The following ZFHX4 variants were observed in gnomAD, a reference collection of about 807,000 sequenced individuals.
ZFHX4 encodes the protein zinc finger homeobox protein 4.
Under a neutral mutation model 267.6 loss-of-function variants are expected in ZFHX4, and 56 were observed. The observed-to-expected ratio is 0.21, with a 90% CI of 0.17 to 0.26. The LOEUF (loss-of-function observed/expected upper bound fraction) is 0.26, where lower values mean the gene tolerates loss of function less well. Ranked by LOEUF, ZFHX4 falls within the 10% of genes least tolerant of loss-of-function variation. ZFHX4 has a pLI of 1.00. For missense variants in ZFHX4, 4,332 were observed against 4,420.0 expected (o/e 0.98, Z 0.56); for synonymous variants, 1,778 against 1,665.6 (o/e 1.07, Z -1.64).
At chr8:76,712,386 C>A (rs1212120509) in intron 3 of ZFHX4, among the ~76,000 whole-genome samples, 1 of 151,932 alleles carries the variant, frequency 6.6e-6, no homozygotes, top group Non-Finnish European at 1.5e-5. Flanking sequence ...GTTCATCTAC[C>A]TTTTTGTGCC....
intron 3 of ZFHX4, among the ~76,000 whole-genome samples, chr8:76,745,969 G>A (rs528664298): frequency 4.6e-5 from 7 of 152,296 alleles, no homozygotes; most frequent in African/African-American, 1.4e-4. Flanking sequence ...GCCAAGTACA[G>A]CATTGCTAGT....
intron 1 of ZFHX4, among the ~76,000 whole-genome samples, chr8:76,695,324 T>C (rs1807929731): frequency 6.6e-6 from 1 of 152,212 alleles, no homozygotes; most frequent in South Asian, 2.1e-4. Context: ...TAAATACGCA[T>C]ATATGGCCTC....
At chr8:76,850,162 G>A (rs1191727156) in intron 8 of ZFHX4, 83 bp from the exon 9 acceptor site, 2 of 1,100,324 alleles carry the variant, frequency 1.8e-6, no homozygotes, top group Admixed American at 4.3e-5. Flanking sequence ...ATGTAAGTGG[G>A]ATATGCTACC....
intron 3 of ZFHX4, among the ~76,000 whole-genome samples, chr8:76,719,061 C>T (rs1269006138): frequency 1.3e-5 from 2 of 150,402 alleles, no homozygotes; most frequent in African/African-American, 4.9e-5. Flanking sequence ...AAAAAAAAGG[C>T]CAAATGCCAG....
rs1433564738 is a variant in ZFHX4, at chr8:76,851,845, G to A, written c.4924G>A (p.Val1642Ile). The A allele has an allele frequency of 1.2e-6, 2 of 1,613,832 alleles. No individual in the cohort carries two copies. The highest frequency in any genetic ancestry group is 2.7e-5 in the African/African-American group (2 of 74,930). ...VAGGHSIAAN[V>I]NSPGQGMLDS... ...TGGTGGGCACAGCATTGCAGCAAAT[G>A]TCAACAGCCCTGGCCAGGGGATGTT... The change falls in exon 10 of 11, where the codon GTC becomes ATC. Residue 1642 changes from valine to isoleucine, a missense_variant. Coordinates refer to ENST00000651372, the MANE Select transcript of ZFHX4 (RefSeq NM_024721.5).
intron 3 of ZFHX4, among the ~76,000 whole-genome samples, chr8:76,719,101 A>G (rs1429879172): frequency 6.6e-6 from 1 of 151,462 alleles, no homozygotes; most frequent in East Asian, 1.9e-4. Flanking sequence ...ATATATATCC[A>G]AGAAGACCTA....
chr8:76,842,090 G>A (rs1825367), intron 5 of ZFHX4, among the ~76,000 whole-genome samples: 76,787 of 151,790 alleles, frequency 0.51, 21,353 homozygotes, highest in African/African-American at 0.75. Context: ...GTTATATCCT[G>A]CACCCAGTAT....
intron 4 of ZFHX4, among the ~76,000 whole-genome samples, chr8:76,802,962 A>G (rs1270382151): frequency 1.3e-5 from 2 of 152,176 alleles, no homozygotes; most frequent in African/African-American, 4.8e-5. Flanking sequence ...AATGGTACTT[A>G]TTTAGACTTG....
chr8:76,855,616 A>T lies in ZFHX4; in HGVS notation c.8695A>T (p.Ser2899Cys), dbSNP rs1281162753. The change falls in exon 10 of 11, where the codon AGC becomes TGC. Residue 2899 changes from serine (S) to cysteine (C), a missense_variant. Ser to Cys is a moderately radical substitution (Grantham distance 112, BLOSUM62 -1). This residue lies in a region of ZFHX4 where 1,648 missense variants were observed against 1,625.0 expected (regional missense o/e 1.01). Coordinates refer to ENST00000651372, the MANE Select transcript of ZFHX4 (RefSeq NM_024721.5). ...TGACCCGGATGACAACGCCGACCGCAGCGAAACGTCCAGCATAGCGGACCC... is the reference window on the plus strand; with the variant it reads ...TGACCCGGATGACAACGCCGACCGCTGCGAAACGTCCAGCATAGCGGACCC... Reference protein sequence around the residue: ...TDDPDDNADRSETSSIADPSS... With the variant: ...TDDPDDNADRCETSSIADPSS... The T allele has an allele frequency of 6.2e-7, 1 of 1,613,834 alleles. No homozygotes were observed. Among genetic ancestry groups the T allele is most frequent in the East Asian group, 2.2e-5 (1 of 44,834 alleles).
rs979842713 is a variant in ZFHX4 at position 76,705,191 on chromosome 8, A to G, written c.1103A>G (p.His368Arg). Residue 368 changes from histidine to arginine, a missense_variant, in exon 2 of 11, where the codon CAT becomes CGT. Around this residue, in one of 7 missense-constraint regions of ZFHX4, gnomAD observed 1,195 missense variants for 1,173.6 expected, o/e 1.02. Transcript: ENST00000651372. ...PTFRGLWSAFHVENGDSLPAG... is the reference protein window; with the variant it reads ...PTFRGLWSAFRVENGDSLPAG... ...TTCCGCGGTTTATGGAGCGCTTTTC[A>G]TGTTGAAAATGGTGACTCTTTGCCG... is the stretch of plus-strand genomic sequence containing the variant. 6.8e-6 allele frequency: 11 copies of G among 1,613,958 alleles called. No individual in the cohort carries two copies. The highest frequency in any genetic ancestry group is 9.3e-6 in the Non-Finnish European group (11 of 1,179,902).
intron 3 of ZFHX4, among the ~76,000 whole-genome samples, chr8:76,766,853 A>G (rs1810063747): frequency 7.6e-6 from 1 of 132,026 alleles, no homozygotes. Context: ...TTATCTCAAG[A>G]AAATGGAACC....
chr8:76,773,527 AAC>A (rs1187471388), intron 3 of ZFHX4, among the ~76,000 whole-genome samples: 1 of 152,128 alleles, frequency 6.6e-6, no homozygotes, highest in African/African-American at 2.4e-5. Flanking sequence ...GGAAGTGAAA[AAC>A]AGAGTCCCCA....
rs73690864 is a variant in ZFHX4 at position 76,688,074 on chromosome 8, A to G, written c.-47+6454A>G. On this transcript the variant is annotated intron_variant, in intron 1 of 10. Transcript: ENST00000651372. ...TCATTGGGACGTAATGTGTATGACA[A>G]TAGTGCAGCTAGAAGATGATCAACA... Among the ~76,000 whole-genome samples, 566 of 152,288 alleles carry G rather than the reference A, an allele frequency of 3.7e-3. 1 individual carries two copies. The highest frequency in any genetic ancestry group is 0.013 in the African/African-American group (543 of 41,582).
At chr8:76,717,556 A>G (rs1017785023) in intron 3 of ZFHX4, among the ~76,000 whole-genome samples, 7 of 152,206 alleles carry the variant, frequency 4.6e-5, no homozygotes, top group Admixed American at 1.3e-4. Context: ...AACTCGCAAT[A>G]ACTATGGTTG....
chr8:76,760,483 A>G (rs1585917359), intron 3 of ZFHX4, among the ~76,000 whole-genome samples: 1 of 152,180 alleles, frequency 6.6e-6, no homozygotes, highest in Non-Finnish European at 1.5e-5. Flanking sequence ...AAATCACAAA[A>G]TCACATACAG....
rs765193998 is a variant in ZFHX4, at chr8:76,852,548, G to A, written c.5627G>A (p.Gly1876Asp). 1 of 1,610,826 alleles carries A rather than the reference G, an allele frequency of 6.2e-7. No homozygotes were observed. The highest frequency in any genetic ancestry group is 8.5e-7 in the Non-Finnish European group (1 of 1,178,352). ...CCAAAGCAGGAATTTATAAGTGAAG[G>A]TGAAGGACTCAAAGAAGGCAAAGAC... The part of the protein sequence containing the change: ...EKPKQEFISE[G>D]EGLKEGKDTK... Residue 1876 changes from glycine (G) to aspartate (D), a missense_variant, in exon 10 of 11, where the codon GGT becomes GAT. Physicochemically the swap from Gly to Asp is moderately conservative, Grantham distance 94. This residue lies in a region of ZFHX4 where 1,371 missense variants were observed against 1,423.1 expected (regional missense o/e 0.96). Coordinates refer to ENST00000651372, the MANE Select transcript of ZFHX4 (RefSeq NM_024721.5).
intron 3 of ZFHX4, among the ~76,000 whole-genome samples, chr8:76,721,977 A>C (rs1808733755): frequency 6.6e-6 from 1 of 152,100 alleles, no homozygotes; most frequent in Admixed American, 6.6e-5. Flanking sequence ...TAAAAGTATG[A>C]ATATGCCTCT....
At chr8:76,822,828 T>C (rs946196403) in intron 4 of ZFHX4, among the ~76,000 whole-genome samples, 1 of 152,106 alleles carries the variant, frequency 6.6e-6, no homozygotes, top group Non-Finnish European at 1.5e-5. Context: ...GCCCTTACCC[T>C]TCATCGTCCG....
chr8:76,854,610 C>T lies in ZFHX4; in HGVS notation c.7689C>T (p.Ala2563=). The T allele has an allele frequency of 2.5e-6, 4 of 1,613,738 alleles. No homozygotes were observed. Among genetic ancestry groups the T allele is most frequent in the Non-Finnish European group, 3.4e-6 (4 of 1,179,868 alleles). The change falls in exon 10 of 11, where the codon GCC becomes GCT. Residue 2563 remains alanine (A), a synonymous_variant. Transcript: ENST00000651372. The part of the protein sequence containing the change: ...GSSLTQMPPQ[A]SSSHTTAPTT... ...CCCTCACTCAAATGCCCCCTCAGGC[C>T]AGTTCCTCCCACACCACAGCCCCCA...
Sources: allele counts gnomAD v4.1 joint callset (sites outside exome capture counted in the v4.1 genomes callset), GRCh38; gene constraint gnomAD v4.1.1; regional missense constraint gnomAD v4.1.1; transcripts MANE v1.5; gene names NCBI Gene and HGNC (gene_info 2026-07-23, HGNC 2026-07-21).